Variants in TCF7L2 observed in about 807,000 individuals in gnomAD.
TCF7L2 encodes the protein transcription factor 7 like 2, also known as transcription factor 7-like 2.
TCF7L2 carries 23 observed loss-of-function variants against 77.9 expected under a neutral mutation model. The observed-to-expected ratio is 0.30, with a 90% CI of 0.21 to 0.42. The LOEUF (loss-of-function observed/expected upper bound fraction) is 0.42, where lower values mean the gene tolerates loss of function less well. Ranked by LOEUF, TCF7L2 falls within the 10% of genes least tolerant of loss-of-function variation. TCF7L2 has a pLI of 1.00. For synonymous variants in TCF7L2, 413 were observed against 340.2 expected, an observed-to-expected ratio of 1.21 and a Z score of -2.36; for missense variants, 654 against 793.1, an observed-to-expected ratio of 0.82 and a Z score of 2.11.
At chr10:113,037,424 C>T (rs561699535) in intron 4 of TCF7L2, among the ~76,000 whole-genome samples, 2 of 152,138 alleles carry the variant, frequency 1.3e-5, no homozygotes, top group African/African-American at 2.4e-5. Context: ...GCAGTGGGGC[C>T]GAGTCTCATT....
At chr10:112,957,194 T>A (rs966826146) in intron 3 of TCF7L2, among the ~76,000 whole-genome samples, 6 of 129,470 alleles carry the variant, frequency 4.6e-5, no homozygotes, top group African/African-American at 1.7e-4. Context: ...CCCCACCTTT[T>A]TTTTTTTTTT....
At chr10:112,956,334 A>G (rs374674338) in intron 3 of TCF7L2, among the ~76,000 whole-genome samples, 2 of 133,472 alleles carry the variant, frequency 1.5e-5, no homozygotes, top group Admixed American at 8.0e-5. Context: ...TCAGGCAAGG[A>G]GTGATTTACC....
At chr10:113,084,480 A>G (rs538205765) in intron 5 of TCF7L2, among the ~76,000 whole-genome samples, 1 of 152,328 alleles carries the variant, frequency 6.6e-6, no homozygotes, top group South Asian at 2.1e-4. Flanking sequence ...AGGCCTGCTC[A>G]CATCAAGGAG....
chr10:113,116,325 C>T (rs757296608), intron 5 of TCF7L2, among the ~76,000 whole-genome samples: 6 of 152,180 alleles, frequency 3.9e-5, no homozygotes, highest in Non-Finnish European at 7.3e-5. Context: ...CCTAAAAGCA[C>T]AATAGGACTT....
chr10:112,992,250 C>T (rs1297738710), intron 4 of TCF7L2, among the ~76,000 whole-genome samples: 2 of 152,202 alleles, frequency 1.3e-5, no homozygotes, highest in Non-Finnish European at 2.9e-5. Context: ...TCTGCCCATC[C>T]GTCCCCTCAG....
chr10:113,129,683 C>G, intron 5 of TCF7L2: 8 of 1,191,316 alleles, frequency 6.7e-6, no homozygotes, highest in Non-Finnish European at 8.5e-6. Flanking sequence ...GGAGCCATTT[C>G]GATCTTTTTA....
chr10:113,123,877 T>G (rs2065166468), intron 5 of TCF7L2, among the ~76,000 whole-genome samples: 1 of 152,236 alleles, frequency 6.6e-6, no homozygotes, highest in African/African-American at 2.4e-5. Flanking sequence ...TTGTCTCAAG[T>G]CTTCCCACTT....
intron 5 of TCF7L2, among the ~76,000 whole-genome samples, chr10:113,076,185 TGGGATATA>T (rs2058677196): frequency 6.7e-6 from 1 of 149,534 alleles, no homozygotes; most frequent in Non-Finnish European, 1.5e-5. Flanking sequence ...TCACCCAGGC[TGGGATATA>T]CTGACTTGAT....
At chr10:112,958,566 G>A (rs962108747) in intron 3 of TCF7L2, among the ~76,000 whole-genome samples, 1 of 152,098 alleles carries the variant, frequency 6.6e-6, no homozygotes, top group East Asian at 1.9e-4. Flanking sequence ...AATTGCAGAT[G>A]TAGGCTACAG....
At chr10:113,157,877 G>A (rs2072295713) in intron 11 of TCF7L2, 144 bp from the exon 12 acceptor site, 2 of 797,618 alleles carry the variant, frequency 2.5e-6, no homozygotes, top group Non-Finnish European at 4.1e-6. Flanking sequence ...AGCGGGGTTG[G>A]AGGTTGGACA....
At chr10:112,966,099 CG>C (rs2036707281) in intron 4 of TCF7L2, among the ~76,000 whole-genome samples, 1 of 150,188 alleles carries the variant, frequency 6.7e-6, no homozygotes, top group Non-Finnish European at 1.5e-5. Flanking sequence ...CACTTGAACC[CG>C]GGAGGCGGAG....
chr10:113,118,318 C>G (rs1026347906), intron 5 of TCF7L2, among the ~76,000 whole-genome samples: 1 of 152,042 alleles, frequency 6.6e-6, no homozygotes, highest in Non-Finnish European at 1.5e-5. Context: ...TTGAGGTGAT[C>G]AGTGGGAAGA....
chr10:112,959,699 AG>A (rs2134427064), intron 3 of TCF7L2, among the ~76,000 whole-genome samples: 1 of 152,274 alleles, frequency 6.6e-6, no homozygotes, highest in African/African-American at 2.4e-5. Flanking sequence ...TTATAAGGGC[AG>A]GCAGTCACCC....
chr10:113,091,084 T>G (rs2060348849), intron 5 of TCF7L2, among the ~76,000 whole-genome samples: 1 of 152,172 alleles, frequency 6.6e-6, no homozygotes, highest in Non-Finnish European at 1.5e-5. Context: ...GTATTTTTAA[T>G]AGAGACAGGG....
chr10:113,093,810 A>C (rs1421776579), intron 5 of TCF7L2, among the ~76,000 whole-genome samples: 1 of 152,254 alleles, frequency 6.6e-6, no homozygotes, highest in Non-Finnish European at 1.5e-5. Flanking sequence ...ATATAACCGC[A>C]TTCAGATAAG....
intron 5 of TCF7L2, among the ~76,000 whole-genome samples, chr10:113,128,592 G>C (rs919395294): frequency 6.6e-6 from 1 of 152,208 alleles, no homozygotes; most frequent in African/African-American, 2.4e-5. Flanking sequence ...GGCAGCAGGG[G>C]TGTTTTCTTA....
intron 5 of TCF7L2, among the ~76,000 whole-genome samples, chr10:113,102,568 G>A (rs1308742772): frequency 6.6e-6 from 1 of 151,828 alleles, no homozygotes; most frequent in Non-Finnish European, 1.5e-5. Context: ...AGGATTACAC[G>A]TGCCCACCAT....
intron 5 of TCF7L2, among the ~76,000 whole-genome samples, chr10:113,056,628 A>G (rs944307533): frequency 6.6e-6 from 1 of 152,334 alleles, no homozygotes; most frequent in East Asian, 1.9e-4. Context: ...ATTACATTCC[A>G]GGGGACTCTG....
intron 3 of TCF7L2, 86 bp downstream of exon 3, chr10:112,951,693 C>G: frequency 4.2e-6 from 3 of 707,724 alleles, no homozygotes; most frequent in Non-Finnish European, 5.3e-6. Context: ...TGCCCTGCCC[C>G]CTCCCCGCCT....
Sources: gnomAD v4.1 joint callset for allele counts (sites outside exome capture counted in the v4.1 genomes callset) on GRCh38, gnomAD v4.1.1 for gene constraint, MANE v1.5 for transcripts, NCBI Gene and HGNC (gene_info 2026-07-23, HGNC 2026-07-21) for gene names.